COL13A1: variants seen among roughly 807,000 people sequenced by gnomAD.
The protein encoded by COL13A1 is collagen alpha-1(XIII) chain.
Under a neutral mutation model 130.9 loss-of-function variants are expected in COL13A1, and 89 were observed. The ratio of observed to expected loss-of-function variants is 0.68; its 90% CI spans 0.57 to 0.81. The LOEUF is 0.81. Among genes scored for constraint, COL13A1 ranks in the 30% least tolerant of loss-of-function variants. COL13A1 has a pLI of 0.00. For synonymous variants in COL13A1, 402 were observed against 341.6 expected, an observed-to-expected ratio of 1.18 and a Z score of -1.95; for missense variants, 879 against 934.6, an observed-to-expected ratio of 0.94 and a Z score of 0.78.
chr10:69,807,179 C>T (rs1337816547), intron 1 of COL13A1, among the ~76,000 whole-genome samples: 1 of 152,114 alleles, frequency 6.6e-6, no homozygotes. Flanking sequence ...TTATAGGGTG[C>T]ATACAGGGGC....
rs528917580 is a variant in COL13A1, at chr10:69,914,284, C to T, written c.922-3005C>T. ...AACCAAAGCTAAGAGTCCCTCCCCA[C>T]CCCACAGAGCCTTTTTCTGGAGCTG... On this transcript the variant is annotated intron_variant, in intron 17 of 40. Transcript: ENST00000645393. 2.0e-5 allele frequency among the ~76,000 whole-genome samples: 3 copies of T among 152,282 alleles called. No individual in the cohort carries two copies. In the East Asian group the frequency reaches 5.8e-4, roughly 29 times the overall value.
chr10:69,835,735 C>T (rs1429341552), intron 2 of COL13A1, among the ~76,000 whole-genome samples: 2 of 152,336 alleles, frequency 1.3e-5, no homozygotes, highest in African/African-American at 4.8e-5. Context: ...AAGTGCTACC[C>T]TGGAGCACAG....
At chr10:69,912,360 C>T (rs768712945) in intron 17 of COL13A1, among the ~76,000 whole-genome samples, 3 of 152,160 alleles carry the variant, frequency 2.0e-5, no homozygotes, top group Non-Finnish European at 2.9e-5. Flanking sequence ...AGGATTTCCG[C>T]GGTTCCGGTC....
chr10:69,849,710 C>T (rs981325811), intron 2 of COL13A1, among the ~76,000 whole-genome samples: 5 of 152,262 alleles, frequency 3.3e-5, no homozygotes, highest in African/African-American at 4.8e-5. Context: ...CTGTGCCCAG[C>T]GCAGACCTCT....
chr10:69,953,080 C>T (rs1404440809), intron 39 of COL13A1, 112 bp downstream of exon 39: 14 of 689,036 alleles, frequency 2.0e-5, no homozygotes, highest in Non-Finnish European at 1.6e-5. Flanking sequence ...TACACGGATG[C>T]TACCAAAATC....
At chr10:69,872,560 C>G (rs2059178326) in intron 4 of COL13A1, among the ~76,000 whole-genome samples, 1 of 152,234 alleles carries the variant, frequency 6.6e-6, no homozygotes, top group Non-Finnish European at 1.5e-5. Flanking sequence ...CACTGACTAT[C>G]CCCCTGCATA....
intron 2 of COL13A1, among the ~76,000 whole-genome samples, chr10:69,831,495 G>C (rs1388233222): frequency 1.3e-5 from 2 of 152,182 alleles, no homozygotes; most frequent in African/African-American, 4.8e-5. Flanking sequence ...TTGGTCCCCT[G>C]GTGAGAGAGC....
chr10:69,804,806 G>A (rs928795576), intron 1 of COL13A1, among the ~76,000 whole-genome samples: 2 of 62,762 alleles, frequency 3.2e-5, no homozygotes, highest in East Asian at 4.8e-4. Flanking sequence ...ACCATGTCGT[G>A]TGCAAAAAAA....
chr10:69,847,056 A>G (rs1853346345), intron 2 of COL13A1, among the ~76,000 whole-genome samples: 1 of 152,172 alleles, frequency 6.6e-6, no homozygotes, highest in South Asian at 2.1e-4. Flanking sequence ...CTGCTTCTTC[A>G]TCTTCTCTAT....
At chr10:69,803,409 C>G (rs895002442) in intron 1 of COL13A1, among the ~76,000 whole-genome samples, 1 of 152,232 alleles carries the variant, frequency 6.6e-6, no homozygotes, top group Non-Finnish European at 1.5e-5. Context: ...TGTCAGGTAG[C>G]TATGGCAATC....
At chr10:69,915,829 C>A (rs536430033) in intron 17 of COL13A1, among the ~76,000 whole-genome samples, 28 of 152,260 alleles carry the variant, frequency 1.8e-4, no homozygotes, top group Middle Eastern at 6.8e-3. Flanking sequence ...GAAAGACAGA[C>A]CGTGGAAATG....
chr10:69,867,252 G>T (rs1366476244), intron 2 of COL13A1, among the ~76,000 whole-genome samples: 1 of 152,202 alleles, frequency 6.6e-6, no homozygotes, highest in Non-Finnish European at 1.5e-5. Context: ...GACCCTGGAG[G>T]GGTGAAGTGC....
intron 36 of COL13A1, among the ~76,000 whole-genome samples, chr10:69,944,554 G>A (rs952682156): frequency 1.3e-5 from 2 of 152,074 alleles, no homozygotes; most frequent in Admixed American, 6.5e-5. Flanking sequence ...AGCTACTTGG[G>A]AGGCTGAGGC....
At chr10:69,828,653 C>T (rs1848090880) in intron 2 of COL13A1, among the ~76,000 whole-genome samples, 1 of 152,212 alleles carries the variant, frequency 6.6e-6, no homozygotes, top group South Asian at 2.1e-4. Flanking sequence ...CTCTTCACCC[C>T]TCCATGTCAG....
At chr10:69,854,887 A>G (rs1009072154) in intron 2 of COL13A1, among the ~76,000 whole-genome samples, 2 of 152,186 alleles carry the variant, frequency 1.3e-5, no homozygotes, top group Non-Finnish European at 2.9e-5. Context: ...CAACCCTGCC[A>G]GTGCTTCCCT....
At chr10:69,876,097 G>A (rs2059544544) in intron 5 of COL13A1, among the ~76,000 whole-genome samples, 1 of 152,218 alleles carries the variant, frequency 6.6e-6, no homozygotes, top group South Asian at 2.1e-4. Context: ...GCTGACCCTT[G>A]CTAGTGCTAA....
chr10:69,849,392 G>A lies in COL13A1; in HGVS notation c.365-18406G>A, dbSNP rs556244605. ...CAGTGCCCCCTGATCACTTCCCACT[G>A]CCCTATCATGGAGGCCCATGGTCCG... On this transcript the variant is annotated intron_variant, in intron 2 of 40. Transcript: ENST00000645393. Among the ~76,000 whole-genome samples, 156 of 152,342 alleles carry A rather than the reference G, an allele frequency of 1.0e-3. 1 individual carries two copies. The highest frequency in any genetic ancestry group is 3.0e-3 in the Admixed American group (46 of 15,300).
At chr10:69,935,272 C>A in intron 31 of COL13A1, 78 bp from the exon 32 acceptor site, 1 of 1,264,344 alleles carries the variant, frequency 7.9e-7, no homozygotes, top group Non-Finnish European at 1.1e-6. Flanking sequence ...TCTGGCCTTG[C>A]AGTCTCCAGC....
chr10:69,946,090 C>CA lies in COL13A1; in HGVS notation c.2022+383dup, dbSNP rs772972376. The stretch of plus-strand genomic sequence containing the variant: ...ATCTCAAAAAAACGAACACACAAAC[C>CA]AAAAAAAAAAAAAAAAATCACCTAG... On this transcript the variant is annotated intron_variant, in intron 37 of 40. Transcript: ENST00000645393. Among the ~76,000 whole-genome samples, 227 of 108,340 alleles carry CA rather than the reference C, an allele frequency of 2.1e-3. 1 individual carries two copies. The highest frequency in any genetic ancestry group is 4.3e-3 in the South Asian group (14 of 3,220). 71.1% of individuals were successfully genotyped at this position (108,340 alleles called of 152,430 possible).
Sources: gnomAD v4.1 joint callset for allele counts (sites outside exome capture counted in the v4.1 genomes callset) on GRCh38, gnomAD v4.1.1 for gene constraint, MANE v1.5 for transcripts, NCBI Gene and HGNC (gene_info 2026-07-23, HGNC 2026-07-21) for gene names.